RELL1: variants seen among roughly 807,000 people sequenced by gnomAD.
The protein encoded by RELL1 is RELT-like protein 1.
Under a neutral mutation model 23.0 loss-of-function variants are expected in RELL1, and 10 were observed. That is an observed-to-expected ratio of 0.43 (90% CI 0.27 to 0.74). The LOEUF is 0.74. Ranked by LOEUF, RELL1 falls within the 30% of genes least tolerant of loss-of-function variation. The probability of loss-of-function intolerance (pLI) is 0.19; values close to 1 mark genes in which losing one functional copy is unlikely to be tolerated. For synonymous variants in RELL1, 146 were observed against 146.8 expected, an observed-to-expected ratio of 0.99 and a Z score of 0.04; for missense variants, 315 against 364.4, an observed-to-expected ratio of 0.86 and a Z score of 1.10.
chr4:37,679,900 C>G (rs551351204), intron 1 of RELL1, among the ~76,000 whole-genome samples: 3 of 151,716 alleles, frequency 2.0e-5, no homozygotes, highest in Admixed American at 6.6e-5. Flanking sequence ...TGCAGTGACC[C>G]GAGATCACAC....
intron 6 of RELL1, 115 bp downstream of exon 6, chr4:37,631,270 T>C: frequency 8.5e-7 from 1 of 1,176,674 alleles, no homozygotes; most frequent in African/African-American, 1.5e-5. Flanking sequence ...AGGAAAGCTC[T>C]CCCACTTCCC....
chr4:37,633,939 G>C lies in RELL1; in HGVS notation c.680+948C>G, dbSNP rs918960509. 2.0e-5 allele frequency among the ~76,000 whole-genome samples: 3 copies of C among 152,334 alleles called. 1 individual carries two copies. Among genetic ancestry groups the C allele is most frequent in the Admixed American group, 2.0e-4 (3 of 15,308 alleles). The stretch of plus-strand genomic sequence containing the variant: ...CCCAGGGGGGTTGTCAGTATACTGA[G>C]AGAGAAGGATCATGTAAGCAGCACT... On this transcript the variant is annotated intron_variant, in intron 5 of 6. Transcript: ENST00000454158.
downstream of RELL1, among the ~76,000 whole-genome samples, chr4:37,586,465 C>G (rs2940993): frequency 0.92 from 140,404 of 152,296 alleles, 65,076 homozygotes; most frequent in Middle Eastern, 0.98. Context: ...AAGAGATGCA[C>G]GGCTGGTCCG....
At chr4:37,586,890 A>C (rs1718365562), downstream of RELL1, among the ~76,000 whole-genome samples, 1 of 152,222 alleles carries the variant, frequency 6.6e-6, no homozygotes, top group African/African-American at 2.4e-5. Context: ...AGCCTGGGCA[A>C]CAGAGTGAGG....
chr4:37,641,936 T>C (rs958470226), intron 3 of RELL1, among the ~76,000 whole-genome samples: 11 of 152,158 alleles, frequency 7.2e-5, no homozygotes, highest in African/African-American at 2.2e-4. Context: ...TTTACAAGTA[T>C]ACAGACTAAG....
chr4:37,675,157 G>A (rs768459849), intron 1 of RELL1, among the ~76,000 whole-genome samples: 3 of 152,156 alleles, frequency 2.0e-5, no homozygotes, highest in Non-Finnish European at 4.4e-5. Flanking sequence ...ATCATCTCCT[G>A]CTAAAAACAA....
chr4:37,626,527 C>G (rs1719953815), intron 6 of RELL1, among the ~76,000 whole-genome samples: 1 of 152,026 alleles, frequency 6.6e-6, no homozygotes, highest in South Asian at 2.1e-4. Context: ...TCCAACAATC[C>G]CACTTCTCAG....
At chr4:37,616,886 T>C (rs1049356234) in intron 6 of RELL1, among the ~76,000 whole-genome samples, 1 of 152,248 alleles carries the variant, frequency 6.6e-6, no homozygotes, top group African/African-American at 2.4e-5. Context: ...TGTGACACCA[T>C]GGTCCTGCAA....
intron 6 of RELL1, among the ~76,000 whole-genome samples, chr4:37,604,148 T>C (rs1719088864): frequency 6.6e-6 from 1 of 152,046 alleles, no homozygotes; most frequent in Non-Finnish European, 1.5e-5. Context: ...GTTGTGAGGC[T>C]AGCGTCCGTC....
intron 6 of RELL1, among the ~76,000 whole-genome samples, chr4:37,619,175 A>G (rs1719682511): frequency 6.9e-6 from 1 of 144,482 alleles, no homozygotes. Context: ...CACTGCACCC[A>G]CCTCCCTGCA....
chr4:37,672,689 A>C (rs1042594756), intron 1 of RELL1, among the ~76,000 whole-genome samples: 11 of 124,392 alleles, frequency 8.8e-5, no homozygotes, highest in Non-Finnish European at 1.3e-4. Flanking sequence ...CATAATATGT[A>C]GGCATTGGAT....
chr4:37,628,643 A>G (rs1006531166), intron 6 of RELL1, among the ~76,000 whole-genome samples: 3 of 152,224 alleles, frequency 2.0e-5, no homozygotes, highest in African/African-American at 7.2e-5. Context: ...TGAGCAGCAC[A>G]ACACAATATG....
At chr4:37,587,332 A>G (rs1363947702), downstream of RELL1, among the ~76,000 whole-genome samples, 2 of 152,138 alleles carry the variant, frequency 1.3e-5, no homozygotes, top group African/African-American at 4.8e-5. Context: ...GTGGCATATA[A>G]GGTATTATTT....
chr4:37,615,790 C>T (rs575987814), intron 6 of RELL1, among the ~76,000 whole-genome samples: 3 of 152,226 alleles, frequency 2.0e-5, no homozygotes, highest in South Asian at 2.1e-4. Context: ...AATTAAGAAC[C>T]GCCCAGAAGA....
At chr4:37,683,541 G>A (rs1328976126) in intron 1 of RELL1, among the ~76,000 whole-genome samples, 2 of 151,228 alleles carry the variant, frequency 1.3e-5, no homozygotes, top group Admixed American at 6.6e-5. Context: ...CGGATCACTT[G>A]AGGTCAGGAG....
At chr4:37,604,936 CACACACATACACACACAGAG>C (rs1719149096) in intron 6 of RELL1, among the ~76,000 whole-genome samples, 1 of 140,294 alleles carries the variant, frequency 7.1e-6, no homozygotes, top group African/African-American at 2.6e-5. Flanking sequence ...CACACACAGA[CACACACATACACACACAGAG>C]ACACACACAT....
At chr4:37,657,602 G>A (rs1721169547) in intron 1 of RELL1, among the ~76,000 whole-genome samples, 1 of 152,160 alleles carries the variant, frequency 6.6e-6, no homozygotes, top group African/African-American at 2.4e-5. Context: ...TATAGTGGGT[G>A]GAAGAAAGTT....
At chr4:37,645,042 T>C (rs886802219) in intron 3 of RELL1, among the ~76,000 whole-genome samples, 1 of 152,294 alleles carries the variant, frequency 6.6e-6, no homozygotes, top group East Asian at 1.9e-4. Flanking sequence ...ACAGCATCCC[T>C]GGAAAGCCCA....
At chr4:37,622,799 CTTT>C (rs763432060) in intron 6 of RELL1, 394 of 388,014 alleles carry the variant, frequency 1.0e-3, no homozygotes, top group East Asian at 4.0e-3. Context: ...TCAAGTAATG[CTTT>C]TTTTTTTTTT....
Sources: allele counts gnomAD v4.1 joint callset (sites outside exome capture counted in the v4.1 genomes callset), GRCh38; gene constraint gnomAD v4.1.1; transcripts MANE v1.5; gene names NCBI Gene and HGNC (gene_info 2026-07-23, HGNC 2026-07-21).